Variants in EFCAB8 observed in about 807,000 individuals in gnomAD.
EFCAB8 encodes EF-hand calcium-binding domain-containing protein 8.
A neutral mutation model predicts 116.3 loss-of-function variants in EFCAB8; 100 were observed. That is an observed-to-expected ratio of 0.86 (90% CI 0.73 to 1.02). The LOEUF (loss-of-function observed/expected upper bound fraction) is 1.02. Ranked by LOEUF, EFCAB8 falls within the 50% of genes least tolerant of loss-of-function variation. EFCAB8 has a pLI of 0.00. For synonymous variants in EFCAB8, 558 were observed against 567.9 expected (o/e 0.98, Z 0.25); for missense variants, 1,320 against 1,416.9 (o/e 0.93, Z 1.10).
intron 24 of EFCAB8, among the ~76,000 whole-genome samples, 168 bp from the exon 25 acceptor site, chr20:32,959,610 G>A (rs1461659773): frequency 6.6e-6 from 1 of 152,180 alleles, no homozygotes; most frequent in Non-Finnish European, 1.5e-5. Flanking sequence ...CTTTGCAAAT[G>A]TTAATTCCAT....
intron 22 of EFCAB8, among the ~76,000 whole-genome samples, chr20:32,940,939 T>G (rs1351029698): frequency 1.3e-5 from 2 of 149,712 alleles, no homozygotes; most frequent in African/African-American, 5.0e-5. Flanking sequence ...AAACTGGGAC[T>G]CTTACACATT....
At position 32,911,502 on chromosome 20, in the gene EFCAB8, G is replaced by C; in HGVS notation, c.1580G>C (p.Gly527Ala). 1 of 1,497,568 alleles carries C rather than the reference G, an allele frequency of 6.7e-7. No homozygotes were observed. The highest frequency in any genetic ancestry group is 2.5e-5 in the East Asian group (1 of 40,294). The allele number at this position is 1,497,568 out of a possible 1,614,324, so 92.8% of individuals were successfully genotyped here. A position where few individuals can be genotyped will look rare whatever the true frequency, so the allele number is the denominator to read the frequency against. Residue 527 changes from glycine (G) to alanine (A), a missense_variant, in exon 16 of 27, where the codon GGC (glycine) becomes GCC (alanine). Coordinates refer to ENST00000400522, the MANE Select transcript of EFCAB8 (RefSeq NM_001143967.2). ...CAGGTGGTGAGTGGCTGCCTGCGCG[G>C]CACAGTGAGTGTGTGGGAGGTCGTG... is the stretch of plus-strand genomic sequence containing the variant. ...FKQVVSGCLR[G>A]TVSVWEVVTG...
At chr20:32,872,005 G>A (rs1187149335) in intron 3 of EFCAB8, among the ~76,000 whole-genome samples, 1 of 152,176 alleles carries the variant, frequency 6.6e-6, no homozygotes, top group Admixed American at 6.5e-5. Flanking sequence ...CTACCTGGAA[G>A]GACCATTAAG....
At chr20:32,914,077 C>CTG (rs1890163110) in intron 17 of EFCAB8, among the ~76,000 whole-genome samples, 1 of 152,254 alleles carries the variant, frequency 6.6e-6, no homozygotes, top group Non-Finnish European at 1.5e-5. Context: ...AATTCCAAGG[C>CTG]TGTGGCTCTG....
intron 21 of EFCAB8, among the ~76,000 whole-genome samples, chr20:32,930,965 C>A (rs546305743): frequency 1.3e-5 from 2 of 152,178 alleles, no homozygotes; most frequent in Non-Finnish European, 2.9e-5. Flanking sequence ...GTCCTTGAGC[C>A]GGTCACACCC....
chr20:32,888,330 A>G (rs190832529), intron 6 of EFCAB8, among the ~76,000 whole-genome samples: 72 of 152,218 alleles, frequency 4.7e-4, no homozygotes, highest in Non-Finnish European at 9.3e-4. Context: ...GGTTCAGGTG[A>G]TTCTTCTGCC....
intron 22 of EFCAB8, among the ~76,000 whole-genome samples, chr20:32,937,315 A>C (rs1988160535): frequency 6.6e-6 from 1 of 152,126 alleles, no homozygotes; most frequent in African/African-American, 2.4e-5. Flanking sequence ...TGATTAAATA[A>C]TATTTCACCT....
At chr20:32,875,501 G>GTTTTTTTTTTTTTTTTTTTTT (rs1468256873) in intron 3 of EFCAB8, among the ~76,000 whole-genome samples, 1 of 78,070 alleles carries the variant, frequency 1.3e-5, no homozygotes. Flanking sequence ...TAAACATGGT[G>GTTTTTTTTTTTTTTTTTTTTT]GTTTTTTTTT....
intron 20 of EFCAB8, among the ~76,000 whole-genome samples, chr20:32,923,020 C>CA (rs1987522601): frequency 6.6e-6 from 1 of 152,010 alleles, no homozygotes; most frequent in Non-Finnish European, 1.5e-5. Context: ...CTCATCTCTA[C>CA]AAAAAATTAA....
At chr20:32,913,459 A>G (rs1362362455) in intron 17 of EFCAB8, among the ~76,000 whole-genome samples, 1 of 152,154 alleles carries the variant, frequency 6.6e-6, no homozygotes, top group Non-Finnish European at 1.5e-5. Context: ...TTACGTTTCA[A>G]TATATGAATT....
At chr20:32,955,419 A>G (rs376112082) in intron 23 of EFCAB8, among the ~76,000 whole-genome samples, 4 of 152,220 alleles carry the variant, frequency 2.6e-5, no homozygotes, top group African/African-American at 9.6e-5. Flanking sequence ...GTGCACCTGT[A>G]GTCCCAGTGA....
At chr20:32,897,782 C>A (rs991552441) in intron 10 of EFCAB8, among the ~76,000 whole-genome samples, 1 of 152,086 alleles carries the variant, frequency 6.6e-6, no homozygotes, top group Non-Finnish European at 1.5e-5. Context: ...GTCTTGGATT[C>A]GGTGCCTTCA....
chr20:32,864,497 G>A (rs1984287823), intron 2 of EFCAB8, among the ~76,000 whole-genome samples: 1 of 152,138 alleles, frequency 6.6e-6, no homozygotes. Flanking sequence ...TGGGGGGATT[G>A]CTTGAGCCTG....
intron 3 of EFCAB8, among the ~76,000 whole-genome samples, chr20:32,872,304 T>A (rs1984718384): frequency 6.6e-6 from 1 of 152,126 alleles, no homozygotes; most frequent in Non-Finnish European, 1.5e-5. Context: ...CTTATGTAGG[T>A]AGTCAGGGTG....
At chr20:32,888,861 C>A (rs925714612) in intron 6 of EFCAB8, among the ~76,000 whole-genome samples, 3 of 151,908 alleles carry the variant, frequency 2.0e-5, no homozygotes, top group African/African-American at 7.3e-5. Context: ...GCTGCAGTGT[C>A]CCCTTTGAGT....
intron 1 of EFCAB8, among the ~76,000 whole-genome samples, chr20:32,861,837 A>G (rs557466505): frequency 1.3e-5 from 2 of 152,344 alleles, no homozygotes; most frequent in East Asian, 1.9e-4. Flanking sequence ...GATGACTGCT[A>G]TTAATTTTGG....
rs1342063005 is a variant in EFCAB8, at chr20:32,906,982, C to T, written c.1296C>T (p.Val432=). The change falls in exon 13 of 27, where the codon GTC becomes GTT. Residue 432 remains valine (V), a synonymous_variant. Transcript: ENST00000400522. ...DSRNNSILIS[V]SKDKNIRVWD... ...GGAACAACAGCATCCTCATCAGTGTCTCCAAGGACAAGGTCCGCCCCGACG... is the reference window on the plus strand; with the variant it reads ...GGAACAACAGCATCCTCATCAGTGTTTCCAAGGACAAGGTCCGCCCCGACG... 1 of 1,521,856 alleles carries T rather than the reference C, an allele frequency of 6.6e-7. No individual in the cohort carries two copies. Among genetic ancestry groups the T allele is most frequent in the African/African-American group, 1.4e-5 (1 of 72,522 alleles). 94.3% of individuals were successfully genotyped at this position (1,521,856 alleles called of 1,614,324 possible).
intron 3 of EFCAB8, among the ~76,000 whole-genome samples, chr20:32,868,183 G>A (rs1019491217): frequency 7.9e-5 from 12 of 151,922 alleles, no homozygotes; most frequent in South Asian, 6.3e-4. Context: ...CTTGGCCCCC[G>A]GAGTAGCTGA....
At chr20:32,887,846 C>T (rs932846486) in intron 6 of EFCAB8, among the ~76,000 whole-genome samples, 1 of 152,200 alleles carries the variant, frequency 6.6e-6, no homozygotes, top group East Asian at 1.9e-4. Flanking sequence ...TTCATTATTC[C>T]ATTCATTCCT....
Sources: gnomAD v4.1 joint callset for allele counts (sites outside exome capture counted in the v4.1 genomes callset) on GRCh38, gnomAD v4.1.1 for gene constraint, MANE v1.5 for transcripts, NCBI Gene and HGNC (gene_info 2026-07-23, HGNC 2026-07-21) for gene names.